The following ABCD3 variants were observed in gnomAD, a reference collection of about 807,000 sequenced individuals.
The protein encoded by ABCD3 is ATP-binding cassette sub-family D member 3.
Under a neutral mutation model 105.5 loss-of-function variants are expected in ABCD3, and 41 were observed. That is an observed-to-expected ratio of 0.39 (90% CI 0.30 to 0.50). ABCD3 has a LOEUF of 0.50. Ranked by LOEUF, ABCD3 falls within the 20% of genes least tolerant of loss-of-function variation. The pLI is 0.84. For synonymous variants in ABCD3, 258 were observed against 269.0 expected (o/e 0.96, Z 0.40); for missense variants, 622 against 806.3 (o/e 0.77, Z 2.77).
Position 94,489,798 on chromosome 1 carries a change from G to T in ABCD3, c.1231G>T (p.Val411Phe). 1 of 1,613,148 alleles carries T rather than the reference G, an allele frequency of 6.2e-7. No individual in the cohort carries two copies. Among genetic ancestry groups the T allele is most frequent in the Non-Finnish European group, 8.5e-7 (1 of 1,179,402 alleles). The change falls in exon 14 of 23, where the codon GTC (valine) becomes TTC (phenylalanine). Residue 411 changes from valine (V) to phenylalanine (F), a missense_variant. Val to Phe is a conservative substitution (Grantham distance 50). Around this residue, in one of 4 missense-constraint regions of ABCD3, gnomAD observed 285 missense variants for 352.5 expected, o/e 0.81. Coordinates refer to ENST00000370214, the MANE Select transcript of ABCD3 (RefSeq NM_002858.4). The stretch of plus-strand genomic sequence containing the variant: ...TCATGGCAAATATGAGCGCACAATG[G>T]TCTCACAACAGGAAAAGGGTAAATA... ...LNHGKYERTM[V>F]SQQEKGIEGV...
Position 94,487,742 on chromosome 1 carries a change from A to T in ABCD3, c.1016A>T (p.Asp339Val). 1 of 1,614,048 alleles carries T rather than the reference A, an allele frequency of 6.2e-7. No homozygotes were observed. Among genetic ancestry groups the T allele is most frequent in the Non-Finnish European group, 8.5e-7 (1 of 1,179,960 alleles). The change falls in exon 12 of 23, where the codon GAT (aspartate) becomes GTT (valine). Residue 339 changes from aspartate to valine, a missense_variant. Physicochemically the swap from Asp to Val is radical, Grantham distance 152. Coordinates refer to ENST00000370214, the MANE Select transcript of ABCD3 (RefSeq NM_002858.4). ...GYLVVSRPFL[D>V]LSHPRHLKST... ...CTAGTTGTCAGTCGCCCTTTCTTAG[A>T]TTTGTCTCATCCTCGACATCTCAAG...
At position 94,440,179 on chromosome 1, in the gene ABCD3, T is replaced by G. The variant is rs561622741; in HGVS notation, c.111-18428T>G. On this transcript the variant is annotated intron_variant, in intron 1 of 22. Transcript: ENST00000370214. Reference sequence around the variant, plus strand: ...TTTTTCTTATAATGTTGTAAAAGATTTAACTTTGATACTATCCCATTGTTT... The same window carrying G: ...TTTTTCTTATAATGTTGTAAAAGATGTAACTTTGATACTATCCCATTGTTT... Among the ~76,000 whole-genome samples, 6 of 152,368 alleles carry G rather than the reference T, an allele frequency of 3.9e-5. No individual in the cohort carries two copies. In the South Asian group the frequency reaches 1.2e-3, roughly 32 times the overall value.
chr1:94,515,729 C>T (rs1650885611), intron 22 of ABCD3, among the ~76,000 whole-genome samples: 1 of 151,924 alleles, frequency 6.6e-6, no homozygotes, highest in Non-Finnish European at 1.5e-5. Flanking sequence ...TCAGTAGTGC[C>T]ATTCTCACTA....
chr1:94,447,801 A>G (rs1321545520), intron 1 of ABCD3, among the ~76,000 whole-genome samples: 3 of 152,236 alleles, frequency 2.0e-5, no homozygotes, highest in Non-Finnish European at 4.4e-5. Flanking sequence ...TGACATTACC[A>G]TTGTGCCACA....
intron 1 of ABCD3, among the ~76,000 whole-genome samples, chr1:94,448,264 T>C (rs1369859795): frequency 6.6e-6 from 1 of 152,216 alleles, no homozygotes; most frequent in Admixed American, 6.5e-5. Context: ...TTGTTGTCTC[T>C]CTCATGAAGG....
At chr1:94,414,414 T>C (rs1658962998), upstream of ABCD3, among the ~76,000 whole-genome samples, 1 of 152,220 alleles carries the variant, frequency 6.6e-6, no homozygotes, top group Admixed American at 6.5e-5. Flanking sequence ...TCCTATTTGA[T>C]CTGTGCTGCC....
At chr1:94,502,701 T>C (rs1403980823) in intron 20 of ABCD3, among the ~76,000 whole-genome samples, 1 of 152,038 alleles carries the variant, frequency 6.6e-6, no homozygotes, top group Non-Finnish European at 1.5e-5. Flanking sequence ...GGTTTCACCA[T>C]GTTGGCCAGG....
At chr1:94,390,608 C>T in the ABCD3 span, among the ~76,000 whole-genome samples, 1 of 152,194 alleles carries the variant, frequency 6.6e-6, no homozygotes, top group South Asian at 2.1e-4. Context: ...CAGCCCACTC[C>T]TGCACTTTTA....
chr1:94,403,883 GT>G, the ABCD3 span, among the ~76,000 whole-genome samples: 1 of 152,124 alleles, frequency 6.6e-6, no homozygotes, highest in Admixed American at 6.6e-5. Flanking sequence ...GTGGTAAATG[GT>G]GTTAAAAGAC....
chr1:94,425,219 C>T (rs968699058), intron 1 of ABCD3, among the ~76,000 whole-genome samples: 3 of 152,070 alleles, frequency 2.0e-5, no homozygotes, highest in Admixed American at 1.3e-4. Flanking sequence ...TAAAAATCAT[C>T]CATAATGTTA....
intron 1 of ABCD3, among the ~76,000 whole-genome samples, chr1:94,454,369 G>A (rs547663216): frequency 6.6e-6 from 1 of 152,148 alleles, no homozygotes; most frequent in South Asian, 2.1e-4. Flanking sequence ...TAGGGCTTAT[G>A]TTCAGTATGG....
intron 1 of ABCD3, among the ~76,000 whole-genome samples, chr1:94,448,117 G>T (rs1026268960): frequency 3.9e-5 from 6 of 152,200 alleles, no homozygotes; most frequent in Non-Finnish European, 5.9e-5. Context: ...TTGTCCACAA[G>T]CAGGACTTAG....
chr1:94,408,400 T>C, the ABCD3 span, among the ~76,000 whole-genome samples: 1 of 149,870 alleles, frequency 6.7e-6, no homozygotes, highest in African/African-American at 2.5e-5. Context: ...TTGGCCAACA[T>C]GGTGAAACCC....
intron 2 of ABCD3, 61 bp from the exon 3 acceptor site, chr1:94,464,714 C>T (rs911423474): frequency 2.2e-5 from 31 of 1,408,510 alleles, no homozygotes; most frequent in Middle Eastern, 1.8e-4. Flanking sequence ...AAACATGGTT[C>T]TTTAATTTTA....
intron 1 of ABCD3, 81 bp downstream of exon 1, chr1:94,418,669 A>G (rs1465212513): frequency 1.4e-6 from 2 of 1,435,614 alleles, no homozygotes; most frequent in Non-Finnish European, 1.9e-6. Context: ...CCCGGCCGAC[A>G]GGTCTCTTTG....
intron 1 of ABCD3, among the ~76,000 whole-genome samples, chr1:94,427,694 C>T (rs569071120): frequency 2.0e-5 from 3 of 152,230 alleles, no homozygotes; most frequent in African/African-American, 4.8e-5. Context: ...AGGCTAGTCT[C>T]GAATTTCTGG....
chr1:94,515,043 C>G, intron 21 of ABCD3, 103 bp from the exon 22 acceptor site: 1 of 901,520 alleles, frequency 1.1e-6, no homozygotes, highest in Non-Finnish European at 1.8e-6. Flanking sequence ...TGCTTTTTAA[C>G]TTTAGTCACT....
upstream of ABCD3, among the ~76,000 whole-genome samples, chr1:94,413,956 G>T (rs535207357): frequency 6.6e-6 from 1 of 152,110 alleles, no homozygotes; most frequent in Non-Finnish European, 1.5e-5. Flanking sequence ...TGAACGCTTC[G>T]TTTTAAAGGA....
At chr1:94,400,413 A>AT in the ABCD3 span, among the ~76,000 whole-genome samples, 1 of 152,120 alleles carries the variant, frequency 6.6e-6, no homozygotes, top group East Asian at 1.9e-4. Context: ...CGAAAAAAAA[A>AT]AAAAGAAAGA....
Sources: allele counts gnomAD v4.1 joint callset (sites outside exome capture counted in the v4.1 genomes callset), GRCh38; gene constraint gnomAD v4.1.1; regional missense constraint gnomAD v4.1.1; transcripts MANE v1.5; gene names NCBI Gene and HGNC (gene_info 2026-07-23, HGNC 2026-07-21).